The following HMGCLL1 variants were observed in gnomAD, a reference collection of about 807,000 sequenced individuals.
The protein encoded by HMGCLL1 is 3-hydroxymethyl-3-methylglutaryl-CoA lyase, cytoplasmic.
Under a neutral mutation model 39.1 loss-of-function variants are expected in HMGCLL1, and 36 were observed. The observed-to-expected ratio is 0.92, with a 90% confidence interval of 0.71 to 1.22. The LOEUF is 1.22. Among genes scored for constraint, HMGCLL1 ranks in the 50% most tolerant of loss-of-function variants. HMGCLL1 has a pLI of 0.00. For missense variants in HMGCLL1, 451 were observed against 416.5 expected (o/e 1.08, Z -0.72); for synonymous variants, 149 against 144.0 (o/e 1.03, Z -0.25).
intron 3 of HMGCLL1, among the ~76,000 whole-genome samples, chr6:55,523,378 T>C (rs1768134664): frequency 6.6e-6 from 1 of 152,016 alleles, no homozygotes; most frequent in Non-Finnish European, 1.5e-5. Context: ...GGCAAATTGC[T>C]TTGACTGCTC....
chr6:55,554,464 C>T (rs3885995), intron 1 of HMGCLL1, among the ~76,000 whole-genome samples: 6,193 of 152,072 alleles, frequency 0.041, 229 homozygotes, highest in African/African-American at 0.1. Flanking sequence ...GCAAAAGAGA[C>T]TTCACGATTC....
chr6:55,605,739 G>C, the HMGCLL1 span, among the ~76,000 whole-genome samples: 3 of 152,208 alleles, frequency 2.0e-5, no homozygotes, highest in East Asian at 5.8e-4. Flanking sequence ...GTATCCTCCA[G>C]TAATAGTGAG....
the HMGCLL1 span, among the ~76,000 whole-genome samples, chr6:55,598,510 C>G: frequency 1.3e-5 from 2 of 152,176 alleles, no homozygotes; most frequent in African/African-American, 4.8e-5. Context: ...TGTTACCACG[C>G]TAACATAGCT....
At position 55,543,461 on chromosome 6, in the gene HMGCLL1, C is replaced by CATATATG. The variant is rs1491548543; in HGVS notation, c.109-1322_109-1321insCATATAT. Among the ~76,000 whole-genome samples, 13 of 91,110 alleles carry CATATATG rather than the reference C, an allele frequency of 1.4e-4. 1 individual carries two copies. Among genetic ancestry groups the CATATATG allele is most frequent in the African/African-American group, 6.2e-4 (13 of 20,944 alleles). The allele number at this position is 91,110 out of a possible 152,430, so 59.8% of individuals were successfully genotyped here. A position where few individuals can be genotyped will look rare whatever the true frequency, so the allele number is the denominator to read the frequency against. ...CATATATGATATATATGATATATAT[C>CATATATG]ATATATATCATATATAATATATATA... On this transcript the variant is annotated intron_variant, in intron 1 of 8. Transcript: ENST00000274901.
At chr6:55,581,634 A>C (rs973104023), upstream of HMGCLL1, among the ~76,000 whole-genome samples, 13 of 152,202 alleles carry the variant, frequency 8.5e-5, no homozygotes, top group African/African-American at 3.1e-4. Context: ...TAAAATGAGA[A>C]TAAAAAGAAG....
intron 3 of HMGCLL1, among the ~76,000 whole-genome samples, chr6:55,540,286 A>G (rs1237548365): frequency 6.6e-6 from 1 of 152,140 alleles, no homozygotes; most frequent in Non-Finnish European, 1.5e-5. Flanking sequence ...TTCATACATC[A>G]GTAACTGTTA....
At chr6:55,532,422 T>A (rs1227551249) in intron 3 of HMGCLL1, among the ~76,000 whole-genome samples, 1 of 152,120 alleles carries the variant, frequency 6.6e-6, no homozygotes, top group Non-Finnish European at 1.5e-5. Flanking sequence ...AAGTTGTTGT[T>A]GAATGCTGAG....
At chr6:55,650,090 C>CATATATATATATAT in the HMGCLL1 span, among the ~76,000 whole-genome samples, 50 of 52,204 alleles carry the variant, frequency 9.6e-4, no homozygotes, top group Non-Finnish European at 1.3e-3. Flanking sequence ...CACACATATA[C>CATATATATATATAT]ATATATATAT....
chr6:55,443,677 C>CA (rs10715144), intron 7 of HMGCLL1, among the ~76,000 whole-genome samples: 57 of 146,120 alleles, frequency 3.9e-4, no homozygotes, highest in Middle Eastern at 3.4e-3. Context: ...CCAGTGAAGC[C>CA]AAAAAAAAAA....
At chr6:55,469,431 A>G (rs545710168) in intron 7 of HMGCLL1, among the ~76,000 whole-genome samples, 193 of 145,646 alleles carry the variant, frequency 1.3e-3, no homozygotes, top group African/African-American at 4.7e-3. Context: ...ATACATATAT[A>G]AGTATATATA....
intron 7 of HMGCLL1, among the ~76,000 whole-genome samples, chr6:55,446,844 G>T (rs1238504280): frequency 2.6e-5 from 4 of 151,592 alleles, no homozygotes; most frequent in Non-Finnish European, 5.9e-5. Flanking sequence ...AGTTATTGAG[G>T]TTACTAAAGT....
chr6:55,507,433 C>T (rs899209276), intron 5 of HMGCLL1, among the ~76,000 whole-genome samples: 29 of 151,666 alleles, frequency 1.9e-4, no homozygotes, highest in African/African-American at 7.0e-4. Context: ...TCAAACTAAA[C>T]CCAACTCAAT....
intron 3 of HMGCLL1, among the ~76,000 whole-genome samples, chr6:55,538,877 G>T (rs770424784): frequency 1.3e-5 from 2 of 151,942 alleles, no homozygotes; most frequent in East Asian, 3.9e-4. Flanking sequence ...GTGACAATGG[G>T]ATAGAGAAAA....
At chr6:55,589,211 C>A in the HMGCLL1 span, among the ~76,000 whole-genome samples, 1 of 152,182 alleles carries the variant, frequency 6.6e-6, no homozygotes, top group South Asian at 2.1e-4. Flanking sequence ...CCACCATGAT[C>A]AAGTGGGCTT....
chr6:55,584,489 A>T, the HMGCLL1 span, among the ~76,000 whole-genome samples: 2 of 152,146 alleles, frequency 1.3e-5, no homozygotes, highest in Non-Finnish European at 2.9e-5. Context: ...AATTACTACC[A>T]TATAATAAAT....
intron 7 of HMGCLL1, among the ~76,000 whole-genome samples, chr6:55,482,896 A>G (rs552674253): frequency 6.6e-6 from 1 of 152,226 alleles, no homozygotes; most frequent in African/African-American, 2.4e-5. Context: ...AAACTTTTAT[A>G]TGCAAATAAA....
the HMGCLL1 span, among the ~76,000 whole-genome samples, chr6:55,626,405 C>T: frequency 6.6e-5 from 10 of 152,070 alleles, no homozygotes; most frequent in Non-Finnish European, 1.5e-4. Context: ...ACCATGTTCC[C>T]CGTTATCCTG....
chr6:55,550,632 T>C (rs184398356), intron 1 of HMGCLL1, among the ~76,000 whole-genome samples: 1 of 151,992 alleles, frequency 6.6e-6, no homozygotes. Context: ...AAATGGGATT[T>C]GGGAGCTAGA....
intron 7 of HMGCLL1, among the ~76,000 whole-genome samples, chr6:55,470,115 A>G (rs182184819): frequency 8.8e-4 from 133 of 151,988 alleles, no homozygotes; most frequent in Non-Finnish European, 1.4e-3. Context: ...AAGACTCTAA[A>G]GTTTTGGGTC....
Sources: allele counts gnomAD v4.1 joint callset (sites outside exome capture counted in the v4.1 genomes callset), GRCh38; gene constraint gnomAD v4.1.1; transcripts MANE v1.5; gene names NCBI Gene and HGNC (gene_info 2026-07-23, HGNC 2026-07-21).